Variants in DSCAM observed in about 807,000 individuals in gnomAD.
The protein encoded by DSCAM is cell adhesion molecule DSCAM.
In DSCAM, 47 loss-of-function variants were observed where a neutral mutation model predicts 217.7. The observed-to-expected ratio is 0.22, with a 90% CI of 0.17 to 0.28. The LOEUF is 0.28. DSCAM is among the 10% of genes least tolerant of loss of function. The pLI is 1.00. For synonymous variants in DSCAM, 1,056 were observed against 1,015.3 expected, an observed-to-expected ratio of 1.04 and a Z score of -0.76; for missense variants, 2,080 against 2,618.3, an observed-to-expected ratio of 0.79 and a Z score of 4.49.
intron 1 of DSCAM, among the ~76,000 whole-genome samples, chr21:40,826,745 A>C (rs902061942): frequency 6.6e-6 from 1 of 152,208 alleles, no homozygotes; most frequent in Non-Finnish European, 1.5e-5. Context: ...AATGACCAAA[A>C]TGTGAGATAG....
chr21:40,574,651 T>C (rs1204930648), intron 3 of DSCAM, among the ~76,000 whole-genome samples: 2 of 151,788 alleles, frequency 1.3e-5, no homozygotes, highest in East Asian at 3.9e-4. Context: ...TAGGGCAAGA[T>C]AATACATTTC....
intron 11 of DSCAM, among the ~76,000 whole-genome samples, chr21:40,200,070 C>T (rs1486921942): frequency 7.3e-6 from 1 of 137,774 alleles, no homozygotes; most frequent in African/African-American, 2.9e-5. Context: ...TCATTTTGGT[C>T]ACTTTCAGTG....
chr21:40,311,960 T>TTTTTTTTTTA, intron 9 of DSCAM, 121 bp downstream of exon 9: 1 of 321,030 alleles, frequency 3.1e-6, no homozygotes, highest in Non-Finnish European at 4.8e-6. Flanking sequence ...TTTTTTTTTT[T>TTTTTTTTTTA]AGTGAGATAA....
At chr21:40,811,606 A>AAGC (rs1370231448) in intron 1 of DSCAM, among the ~76,000 whole-genome samples, 1 of 152,208 alleles carries the variant, frequency 6.6e-6, no homozygotes, top group Non-Finnish European at 1.5e-5. Context: ...CATGCTGGAG[A>AAGC]AGCAGATAAA....
intron 8 of DSCAM, 82 bp from the exon 9 acceptor site, chr21:40,312,441 G>C: frequency 1.3e-6 from 2 of 1,483,750 alleles, no homozygotes; most frequent in South Asian, 1.3e-5. Flanking sequence ...GGCACTGAAA[G>C]GGTAGTACAG....
intron 1 of DSCAM, among the ~76,000 whole-genome samples, chr21:40,829,121 C>T (rs1340611535): frequency 2.0e-5 from 3 of 152,200 alleles, no homozygotes; most frequent in Admixed American, 6.5e-5. Flanking sequence ...AACTGAATCC[C>T]CCATCATCAG....
intron 3 of DSCAM, among the ~76,000 whole-genome samples, chr21:40,559,458 CAAAA>C (rs59510708): frequency 8.6e-5 from 10 of 115,968 alleles, no homozygotes; most frequent in South Asian, 2.7e-4. Context: ...GACCCCGTCT[CAAAA>C]AAAAAAAAAA....
At chr21:40,590,923 G>T (rs1469059051) in intron 3 of DSCAM, among the ~76,000 whole-genome samples, 2 of 151,950 alleles carry the variant, frequency 1.3e-5, no homozygotes, top group Admixed American at 1.3e-4. Flanking sequence ...ATAACAAAAT[G>T]CCATGGCTTA....
intron 3 of DSCAM, among the ~76,000 whole-genome samples, chr21:40,586,219 A>G (rs969803637): frequency 6.6e-6 from 1 of 152,128 alleles, no homozygotes; most frequent in Non-Finnish European, 1.5e-5. Context: ...TTTGCCTTCC[A>G]CTGTGAACAG....
At chr21:40,443,282 T>A (rs1156240704) in intron 3 of DSCAM, among the ~76,000 whole-genome samples, 1 of 152,266 alleles carries the variant, frequency 6.6e-6, no homozygotes, top group Non-Finnish European at 1.5e-5. Flanking sequence ...TGTATCTGCA[T>A]AATGTACCCT....
chr21:40,827,480 A>AG (rs2091978914), intron 1 of DSCAM, among the ~76,000 whole-genome samples: 2 of 132,506 alleles, frequency 1.5e-5, no homozygotes, highest in South Asian at 2.8e-4. Context: ...AAAAAAAAAA[A>AG]AAAAAAGAAA....
At chr21:40,765,099 GA>G (rs57966573) in intron 1 of DSCAM, among the ~76,000 whole-genome samples, 39,632 of 103,944 alleles carry the variant, frequency 0.38, 6,767 homozygotes, top group African/African-American at 0.56. Flanking sequence ...ATGTATCACA[GA>G]AAAAAAAAAA....
In DSCAM at chr21:40,492,206, T is replaced by C. The variant is rs533729201; in HGVS notation, c.509-122961A>G. ...TTCTACTTTATAATGCATGTGTTAT[T>C]AGGTATAGATTATAGATAATGAGGA... On this transcript the variant is annotated intron_variant, in intron 3 of 32. Transcript: ENST00000400454. 1.5e-4 allele frequency among the ~76,000 whole-genome samples: 23 copies of C among 152,284 alleles called. No homozygotes were observed. The South Asian group carries it at 4.8e-3, about 32-fold the overall frequency.
chr21:40,296,618 G>A (rs947390381), intron 9 of DSCAM, among the ~76,000 whole-genome samples: 2 of 151,976 alleles, frequency 1.3e-5, no homozygotes, highest in African/African-American at 4.8e-5. Context: ...GATCACCTGA[G>A]GCCTGGAGTT....
chr21:40,432,703 ATATAG>A (rs1288530497), intron 3 of DSCAM, among the ~76,000 whole-genome samples: 1 of 152,134 alleles, frequency 6.6e-6, no homozygotes, highest in Non-Finnish European at 1.5e-5. Flanking sequence ...CTATGAATAG[ATATAG>A]TAAAGGAAAA....
chr21:40,254,124 T>C (rs953501747), intron 11 of DSCAM, among the ~76,000 whole-genome samples: 1 of 152,172 alleles, frequency 6.6e-6, no homozygotes, highest in African/African-American at 2.4e-5. Context: ...TCAGACAATA[T>C]TGAAGGCTGT....
chr21:40,578,754 A>G (rs2076878191), intron 3 of DSCAM, among the ~76,000 whole-genome samples: 2 of 152,168 alleles, frequency 1.3e-5, no homozygotes, highest in African/African-American at 2.4e-5. Context: ...AAGAACCCAT[A>G]GGAAGGAATA....
intron 10 of DSCAM, among the ~76,000 whole-genome samples, chr21:40,295,001 T>C (rs982617245): frequency 1.3e-5 from 2 of 152,198 alleles, no homozygotes; most frequent in Non-Finnish European, 2.9e-5. Context: ...AAAAGAGAGA[T>C]GCCAGGAGGG....
chr21:40,687,106 A>G (rs1017975787), intron 3 of DSCAM, among the ~76,000 whole-genome samples: 2 of 152,192 alleles, frequency 1.3e-5, no homozygotes, highest in Non-Finnish European at 2.9e-5. Flanking sequence ...TAAAAGCAAT[A>G]TAAATAGAAG....
Sources: gnomAD v4.1 joint callset for allele counts (sites outside exome capture counted in the v4.1 genomes callset) on GRCh38, gnomAD v4.1.1 for gene constraint, MANE v1.5 for transcripts, NCBI Gene and HGNC (gene_info 2026-07-23, HGNC 2026-07-21) for gene names.